Variants in DNTTIP1 observed in about 807,000 individuals in gnomAD.
DNTTIP1 encodes the protein deoxynucleotidyltransferase terminal interacting protein 1, also known as deoxynucleotidyltransferase terminal-interacting protein 1.
Under a neutral mutation model 52.9 loss-of-function variants are expected in DNTTIP1, and 22 were observed. That is an observed-to-expected ratio of 0.42 (90% CI 0.30 to 0.59). DNTTIP1 has a LOEUF of 0.59. DNTTIP1 is among the 20% of genes least tolerant of loss of function. The pLI, the probability that DNTTIP1 is intolerant of heterozygous loss-of-function variation, is 0.22. For synonymous variants in DNTTIP1, 136 were observed against 155.1 expected (o/e 0.88, Z 0.92); for missense variants, 286 against 435.5 (o/e 0.66, Z 3.06).
intron 7 of DNTTIP1, 46 bp from the exon 8 acceptor site, chr20:45,803,287 A>G: frequency 6.2e-7 from 1 of 1,603,404 alleles, no homozygotes; most frequent in Non-Finnish European, 8.5e-7. Flanking sequence ...ATTTAGTCCT[A>G]GGTCTCACCT....
At chr20:45,798,253 G>A (rs1408628254) in intron 4 of DNTTIP1, among the ~76,000 whole-genome samples, 42 of 149,630 alleles carry the variant, frequency 2.8e-4, no homozygotes, top group Admixed American at 1.9e-3. Context: ...AACACCGCAT[G>A]TTCTCACTCA....
intron 10 of DNTTIP1, among the ~76,000 whole-genome samples, chr20:45,807,493 G>A (rs951502696): frequency 6.6e-6 from 1 of 152,128 alleles, no homozygotes; most frequent in Non-Finnish European, 1.5e-5. Context: ...TATTTCTTCT[G>A]TAAGCTGCCT....
intron 1 of DNTTIP1, 37 bp from the exon 2 acceptor site, chr20:45,792,640 C>T: frequency 6.5e-7 from 1 of 1,540,888 alleles, no homozygotes; most frequent in Non-Finnish European, 8.8e-7. Flanking sequence ...CCCAGTGTCA[C>T]AGGCCGCAGT....
chr20:45,794,639 ATTAG>A (rs1232260114), intron 3 of DNTTIP1, among the ~76,000 whole-genome samples: 1 of 151,468 alleles, frequency 6.6e-6, no homozygotes, highest in African/African-American at 2.4e-5. Context: ...AAGTATTCTT[ATTAG>A]TTGTTTAATA....
Position 45,791,957 on chromosome 20 carries a change from T to C in DNTTIP1, c.-48T>C. The C allele has an allele frequency of 8.4e-7, 1 of 1,189,372 alleles. No homozygotes were observed. Among genetic ancestry groups the C allele is most frequent in the South Asian group, 4.1e-5 (1 of 24,116 alleles). 73.7% of individuals were successfully genotyped at this position (1,189,372 alleles called of 1,614,324 possible). A position where few individuals can be genotyped will look rare whatever the true frequency, so the allele number is the denominator to read the frequency against. ...GCTCCAGTGACGTCACGGCGCCACT[T>C]TCCGGCCGGTGACAGAGTCCAGCGG... On this transcript the variant is annotated 5_prime_UTR_variant, in exon 1 of 13. Transcript: ENST00000372622.
rs1354098181 is a variant in DNTTIP1 at position 45,795,434 on chromosome 20, C to G, written c.363C>G (p.Cys121Trp). ...EQLIQEACRS[C>W]LEQAKLLFSD... ...TGATCCAGGAAGCCTGTCGGAGCTG[C>G]CTGGAGCAGGTGAGACCAAAGGGGA... Residue 121 changes from cysteine (C) to tryptophan (W), a missense_variant, in exon 4 of 13, where the codon TGC (cysteine) becomes TGG (tryptophan). Cys to Trp is a radical substitution (Grantham distance 215). Transcript: ENST00000372622. 1 of 1,605,512 alleles carries G rather than the reference C, an allele frequency of 6.2e-7. No individual in the cohort carries two copies.
In DNTTIP1 at chr20:45,796,309, T is replaced by C. The variant is rs1213399856; in HGVS notation, c.372+866T>C. The stretch of plus-strand genomic sequence containing the variant: ...GTATATCTATGTCAATTCATCACAT[T>C]GTACACCTTGAATATATACCATTTC... On this transcript the variant is annotated intron_variant, in intron 4 of 12. Coordinates refer to ENST00000372622, the MANE Select transcript of DNTTIP1 (RefSeq NM_052951.3). 8.3e-6 allele frequency: 3 copies of C among 361,774 alleles called. No homozygotes were observed. The Admixed American group carries it at 1.1e-4, about 13-fold the overall frequency. 22.4% of individuals were successfully genotyped at this position (361,774 alleles called of 1,614,324 possible). A position where few individuals can be genotyped will look rare whatever the true frequency, so the allele number is the denominator to read the frequency against.
rs769730361 is a variant in DNTTIP1 at position 45,791,993 on chromosome 20, G to A, written c.-12G>A. On this transcript the variant is annotated 5_prime_UTR_variant, in exon 1 of 13. Coordinates refer to ENST00000372622, the MANE Select transcript of DNTTIP1 (RefSeq NM_052951.3). ...GACAGAGTCCAGCGGAGTTGTGGGGGCCGGGGGCGCCATGGGAGCCACTGG... is the reference window on the plus strand; with the variant it reads ...GACAGAGTCCAGCGGAGTTGTGGGGACCGGGGGCGCCATGGGAGCCACTGG... 5 of 1,248,796 alleles carry A rather than the reference G, an allele frequency of 4.0e-6. No homozygotes were observed. The highest frequency in any genetic ancestry group is 3.7e-5 in the Admixed American group (1 of 27,258). The allele number at this position is 1,248,796 out of a possible 1,614,324, so 77.4% of individuals were successfully genotyped here. A position where few individuals can be genotyped will look rare whatever the true frequency, so the allele number is the denominator to read the frequency against.
At chr20:45,807,488 C>A (rs1384539469) in intron 10 of DNTTIP1, among the ~76,000 whole-genome samples, 1 of 152,172 alleles carries the variant, frequency 6.6e-6, no homozygotes, top group Non-Finnish European at 1.5e-5. Context: ...ATTTGTATTT[C>A]TTCTGTAAGC....
chr20:45,801,486 G>A, intron 6 of DNTTIP1, 28 bp downstream of exon 6: 1 of 1,613,582 alleles, frequency 6.2e-7, no homozygotes, highest in Middle Eastern at 1.7e-4. Flanking sequence ...TTTGTTTTCT[G>A]GCTGAAAAAA....
chr20:45,801,367 T>C, intron 5 of DNTTIP1, 35 bp from the exon 6 acceptor site: 1 of 1,612,968 alleles, frequency 6.2e-7, no homozygotes, highest in African/African-American at 1.3e-5. Context: ...TCCCAGGCAC[T>C]GGCCTTCCAC....
In DNTTIP1 at chr20:45,811,219, G is replaced by C. The variant is rs751934663; in HGVS notation, c.*24G>C. ...GAGGCCGGGTCCCCTGGCCACACTT[G>C]GCAGCCCTCCTCCAAAGCCCTCTTC... On this transcript the variant is annotated 3_prime_UTR_variant, in exon 13 of 13. Transcript: ENST00000372622. 2 of 1,586,064 alleles carry C rather than the reference G, an allele frequency of 1.3e-6. No homozygotes were observed. The highest frequency in any genetic ancestry group is 1.7e-6 in the Non-Finnish European group (2 of 1,167,440).
intron 3 of DNTTIP1, 73 bp from the exon 4 acceptor site, chr20:45,795,267 CTTATT>C (rs1353151345): frequency 1.8e-5 from 14 of 791,174 alleles, no homozygotes; most frequent in Non-Finnish European, 2.7e-5. Flanking sequence ...AGGATAAAGA[CTTATT>C]TTATATTCAG....
intron 6 of DNTTIP1, 85 bp downstream of exon 6, chr20:45,801,543 T>TG: frequency 6.4e-6 from 9 of 1,416,836 alleles, no homozygotes; most frequent in Non-Finnish European, 8.9e-6. Flanking sequence ...ATCCCAACAC[T>TG]TTGGGAGGCC....
At chr20:45,794,536 G>A (rs983426876) in intron 3 of DNTTIP1, among the ~76,000 whole-genome samples, 1 of 151,798 alleles carries the variant, frequency 6.6e-6, no homozygotes, top group African/African-American at 2.4e-5. Flanking sequence ...CCCTTGTCAC[G>A]CACGTGGTTT....
At chr20:45,804,777 T>C (rs1005464870) in intron 8 of DNTTIP1, among the ~76,000 whole-genome samples, 2 of 152,140 alleles carry the variant, frequency 1.3e-5, no homozygotes, top group Non-Finnish European at 2.9e-5. Flanking sequence ...TTACCCCAAC[T>C]TGTGCTCACC....
Position 45,795,278 on chromosome 20 carries a change from T to G in DNTTIP1, c.274-67T>G, listed in dbSNP as rs1263839510. On this transcript the variant is annotated intron_variant, in intron 3 of 12. Transcript: ENST00000372622. ...AGCTAGGATAAAGACTTATTTTATA[T>G]TCAGTTTCCTTCAGGTTGATGCACA... 7.0e-6 allele frequency: 6 copies of G among 862,828 alleles called. No homozygotes were observed. In the South Asian group the frequency reaches 9.7e-5, roughly 14 times the overall value. 53.4% of individuals were successfully genotyped at this position (862,828 alleles called of 1,614,324 possible).
chr20:45,801,946 G>T (rs1235928760), intron 6 of DNTTIP1, 53 bp from the exon 7 acceptor site: 1 of 1,565,496 alleles, frequency 6.4e-7, no homozygotes, highest in African/African-American at 1.4e-5. Context: ...CTGCCAATGG[G>T]GTATGGGGAG....
intron 8 of DNTTIP1, among the ~76,000 whole-genome samples, chr20:45,803,799 G>A (rs1568708799): frequency 6.6e-6 from 1 of 152,140 alleles, no homozygotes; most frequent in Admixed American, 6.6e-5. Flanking sequence ...ATTTTATTCA[G>A]TTGTCTTATA....
Sources: allele counts gnomAD v4.1 joint callset (sites outside exome capture counted in the v4.1 genomes callset), GRCh38; gene constraint gnomAD v4.1.1; transcripts MANE v1.5; gene names NCBI Gene and HGNC (gene_info 2026-07-23, HGNC 2026-07-21).